The following POLD3 variants were observed in gnomAD, a reference collection of about 807,000 sequenced individuals.
The protein encoded by POLD3 is DNA polymerase delta subunit 3.
POLD3 carries 19 observed loss-of-function variants against 58.2 expected under a neutral mutation model. The ratio of observed to expected loss-of-function variants is 0.33; its 90% CI spans 0.23 to 0.48. POLD3 has a LOEUF of 0.48. Ranked by LOEUF, POLD3 falls within the 20% of genes least tolerant of loss-of-function variation. POLD3 has a pLI of 0.99. For synonymous variants in POLD3, 172 were observed against 193.5 expected, an observed-to-expected ratio of 0.89 and a Z score of 0.92; for missense variants, 504 against 545.5, an observed-to-expected ratio of 0.92 and a Z score of 0.76.
downstream of POLD3, among the ~76,000 whole-genome samples, chr11:74,645,120 TTAA>T (rs1334947866): frequency 6.6e-6 from 1 of 152,224 alleles, no homozygotes; most frequent in Non-Finnish European, 1.5e-5. Flanking sequence ...GACATGGGAC[TTAA>T]TAATTTAGGA....
At chr11:74,615,336 A>G (rs1368774390) in intron 5 of POLD3, among the ~76,000 whole-genome samples, 2 of 152,228 alleles carry the variant, frequency 1.3e-5, no homozygotes, top group East Asian at 3.8e-4. Flanking sequence ...GAGCCACCAG[A>G]GATAAGAGTA....
intron 5 of POLD3, among the ~76,000 whole-genome samples, chr11:74,613,288 C>T (rs928696294): frequency 6.6e-6 from 1 of 151,882 alleles, no homozygotes; most frequent in South Asian, 2.1e-4. Flanking sequence ...AACTCCCTTA[C>T]CCAGTCTCTG....
At chr11:74,649,910 A>T (rs998092874) in intron 4 of POLD3, among the ~76,000 whole-genome samples, 10 of 152,184 alleles carry the variant, frequency 6.6e-5, no homozygotes, top group Admixed American at 3.9e-4. Context: ...TGGAGAGCAG[A>T]CTGGCTCACT....
At chr11:74,628,826 C>G (rs1390292964) in intron 8 of POLD3, 1 of 154,718 alleles carries the variant, frequency 6.5e-6, no homozygotes, top group East Asian at 1.9e-4. Context: ...TTCTTGAAAA[C>G]AGTATTTTCT....
chr11:74,659,538 C>T (rs576527070), intron 4 of POLD3, among the ~76,000 whole-genome samples: 65 of 152,292 alleles, frequency 4.3e-4, no homozygotes, highest in African/African-American at 5.3e-4. Flanking sequence ...TATGCTGTTT[C>T]GCTTTTAAAA....
At chr11:74,600,400 A>G (rs2031447681) in intron 2 of POLD3, among the ~76,000 whole-genome samples, 1 of 152,146 alleles carries the variant, frequency 6.6e-6, no homozygotes, top group South Asian at 2.1e-4. Context: ...GGCTCAAGCT[A>G]TCCTCCTGCT....
downstream of POLD3, among the ~76,000 whole-genome samples, chr11:74,645,362 C>T (rs904776372): frequency 3.3e-5 from 5 of 152,034 alleles, no homozygotes; most frequent in East Asian, 7.7e-4. Context: ...AGAGTATTGA[C>T]GAGAAAGCAA....
intron 9 of POLD3, among the ~76,000 whole-genome samples, chr11:74,631,729 G>A (rs927613308): frequency 5.7e-4 from 87 of 152,056 alleles, no homozygotes; most frequent in Non-Finnish European, 9.7e-4. Flanking sequence ...TGATCCACCC[G>A]CCTCGGCCTC....
intron 2 of POLD3, among the ~76,000 whole-genome samples, chr11:74,600,710 C>CTTTTTT (rs57206403): frequency 1.6e-5 from 1 of 63,054 alleles, no homozygotes; most frequent in East Asian, 5.0e-4. Flanking sequence ...GAATTCTTTC[C>CTTTTTT]TTTTTTTTTT....
chr11:74,611,635 G>A, intron 4 of POLD3, 97 bp downstream of exon 4: 2 of 687,102 alleles, frequency 2.9e-6, no homozygotes, highest in South Asian at 3.4e-5. Flanking sequence ...AATATATTTA[G>A]CTATTTAACT....
At chr11:74,596,308 G>A (rs1051028589) in intron 2 of POLD3, among the ~76,000 whole-genome samples, 2 of 149,584 alleles carry the variant, frequency 1.3e-5, no homozygotes, top group African/African-American at 2.5e-5. Context: ...CTCAACCTCC[G>A]AGGTAGCTGG....
chr11:74,632,710 C>A (rs1046949125), intron 9 of POLD3, among the ~76,000 whole-genome samples: 6 of 152,124 alleles, frequency 3.9e-5, no homozygotes, highest in African/African-American at 1.4e-4. Context: ...CTACTATTCT[C>A]TTCCCTGTTT....
chr11:74,649,567 C>T (rs930732485), intron 4 of POLD3, among the ~76,000 whole-genome samples: 1 of 152,150 alleles, frequency 6.6e-6, no homozygotes, highest in African/African-American at 2.4e-5. Context: ...CTGTGAACTC[C>T]AAAGCTCACC....
At chr11:74,637,809 T>C (rs2032793358) in intron 11 of POLD3, among the ~76,000 whole-genome samples, 1 of 149,130 alleles carries the variant, frequency 6.7e-6, no homozygotes, top group Non-Finnish European at 1.5e-5. Context: ...CATTGCACTT[T>C]TTTTTTTTTT....
intron 7 of POLD3, among the ~76,000 whole-genome samples, chr11:74,624,389 T>G (rs1227042561): frequency 1.3e-5 from 2 of 152,246 alleles, no homozygotes; most frequent in African/African-American, 4.8e-5. Flanking sequence ...AGATTGCATT[T>G]TACACTTTGG....
At chr11:74,594,022 C>A in intron 1 of POLD3, 39 bp from the exon 2 acceptor site, 1 of 1,085,420 alleles carries the variant, frequency 9.2e-7, no homozygotes, top group South Asian at 1.3e-5. Flanking sequence ...ACTCTGGAGT[C>A]ATCTAATAAA....
chr11:74,614,708 TC>T (rs1308097913), intron 5 of POLD3, among the ~76,000 whole-genome samples: 1 of 67,214 alleles, frequency 1.5e-5, no homozygotes, highest in African/African-American at 5.6e-5. Flanking sequence ...AGACTCCAGC[TC>T]AAAAAAAAAA....
intron 4 of POLD3, among the ~76,000 whole-genome samples, chr11:74,668,094 G>A (rs2033294449): frequency 1.3e-5 from 2 of 152,234 alleles, no homozygotes; most frequent in African/African-American, 4.8e-5. Context: ...TAATGTGGAT[G>A]TGGATAAATT....
intron 4 of POLD3, among the ~76,000 whole-genome samples, chr11:74,662,765 T>C (rs975231706): frequency 6.6e-6 from 1 of 152,116 alleles, no homozygotes; most frequent in African/African-American, 2.4e-5. Flanking sequence ...GGAGTTGCAG[T>C]CCTTGTGGCA....
Sources: allele counts gnomAD v4.1 joint callset (sites outside exome capture counted in the v4.1 genomes callset), GRCh38; gene constraint gnomAD v4.1.1; transcripts MANE v1.5; gene names NCBI Gene and HGNC (gene_info 2026-07-23, HGNC 2026-07-21).